CNTNAP2: variants seen among roughly 807,000 people sequenced by gnomAD.
CNTNAP2 encodes contactin associated protein 2.
A neutral mutation model predicts 155.2 loss-of-function variants in CNTNAP2; 98 were observed. The ratio of observed to expected loss-of-function variants is 0.63; its 90% confidence interval spans 0.54 to 0.75. The LOEUF (loss-of-function observed/expected upper bound fraction) is 0.75, where lower values mean the gene tolerates loss of function less well. Among genes scored for constraint, CNTNAP2 ranks in the 30% least tolerant of loss-of-function variants. CNTNAP2 has a pLI of 0.00. For missense variants in CNTNAP2, 1,727 were observed against 1,688.1 expected (o/e 1.02, Z -0.40); for synonymous variants, 651 against 631.2 (o/e 1.03, Z -0.47).
chr7:147,291,502 CTTTTT>C (rs1010057112), intron 8 of CNTNAP2, among the ~76,000 whole-genome samples: 1 of 151,830 alleles, frequency 6.6e-6, no homozygotes, highest in African/African-American at 2.4e-5. Flanking sequence ...ATTCCTTTTT[CTTTTT>C]TATTATTTAG....
At chr7:146,332,340 G>C (rs749492259) in intron 1 of CNTNAP2, among the ~76,000 whole-genome samples, 16 of 151,980 alleles carry the variant, frequency 1.1e-4, no homozygotes, top group Non-Finnish European at 1.3e-4. Context: ...CATTCATACT[G>C]TTTGTTTCTG....
intron 20 of CNTNAP2, among the ~76,000 whole-genome samples, chr7:148,238,242 AG>A (rs1796081158): frequency 6.6e-6 from 1 of 152,246 alleles, no homozygotes; most frequent in African/African-American, 2.4e-5. Context: ...CCAGCTACTC[AG>A]GGGGCTGAGA....
intron 3 of CNTNAP2, among the ~76,000 whole-genome samples, chr7:146,891,168 A>G (rs919157463): frequency 2.0e-5 from 3 of 152,188 alleles, no homozygotes; most frequent in African/African-American, 7.2e-5. Flanking sequence ...ACCATACACT[A>G]TCATTTATAC....
At chr7:146,921,082 A>G (rs937054167) in intron 3 of CNTNAP2, among the ~76,000 whole-genome samples, 16 of 152,178 alleles carry the variant, frequency 1.1e-4, no homozygotes, top group South Asian at 2.1e-4. Flanking sequence ...CTAGAAAAGG[A>G]AAAATTATAA....
intron 13 of CNTNAP2, among the ~76,000 whole-genome samples, chr7:147,857,288 T>C (rs977418788): frequency 6.6e-6 from 1 of 152,240 alleles, no homozygotes; most frequent in Admixed American, 6.5e-5. Flanking sequence ...CCGTGCAAGA[T>C]GTATGTTAAT....
At chr7:147,745,534 A>T (rs2116493970) in intron 13 of CNTNAP2, among the ~76,000 whole-genome samples, 1 of 152,336 alleles carries the variant, frequency 6.6e-6, no homozygotes, top group Admixed American at 6.5e-5. Flanking sequence ...TTTTCTTGAA[A>T]TTCCATAGTG....
chr7:147,191,782 A>C (rs2116525100), intron 8 of CNTNAP2, among the ~76,000 whole-genome samples: 1 of 152,136 alleles, frequency 6.6e-6, no homozygotes, highest in African/African-American at 2.4e-5. Context: ...TTCACGAATT[A>C]AAAAAAATGT....
intron 3 of CNTNAP2, among the ~76,000 whole-genome samples, chr7:147,035,251 C>T (rs149237900): frequency 1.1e-3 from 166 of 152,294 alleles, no homozygotes; most frequent in African/African-American, 3.9e-3. Context: ...TGAGCAGAGA[C>T]TCCAGGGGAA....
intron 13 of CNTNAP2, among the ~76,000 whole-genome samples, chr7:147,766,985 TA>T (rs1448984883): frequency 6.6e-6 from 1 of 152,106 alleles, no homozygotes; most frequent in Non-Finnish European, 1.5e-5. Context: ...TATCTGTTGT[TA>T]AATCATCAAT....
chr7:146,842,226 C>T (rs1016514746), intron 3 of CNTNAP2, among the ~76,000 whole-genome samples: 5 of 151,868 alleles, frequency 3.3e-5, no homozygotes, highest in African/African-American at 7.3e-5. Context: ...ATGGTTGAGT[C>T]GGGGAGACAA....
At chr7:146,681,165 G>T (rs983812549) in intron 1 of CNTNAP2, among the ~76,000 whole-genome samples, 1 of 151,484 alleles carries the variant, frequency 6.6e-6, no homozygotes, top group Non-Finnish European at 1.5e-5. Context: ...AAAAATGATT[G>T]TTTATTGCAG....
chr7:146,135,286 A>G (rs1040179508), intron 1 of CNTNAP2, among the ~76,000 whole-genome samples: 12 of 152,244 alleles, frequency 7.9e-5, no homozygotes, highest in African/African-American at 2.9e-4. Flanking sequence ...ATAATAGTGT[A>G]GTTCTATGAT....
intron 8 of CNTNAP2, among the ~76,000 whole-genome samples, chr7:147,188,969 T>G (rs1802625355): frequency 6.6e-6 from 1 of 152,124 alleles, no homozygotes; most frequent in South Asian, 2.1e-4. Flanking sequence ...TCCAAATAAC[T>G]CCAAAATGAT....
chr7:146,231,308 C>T (rs1015209237), intron 1 of CNTNAP2, among the ~76,000 whole-genome samples: 10 of 152,142 alleles, frequency 6.6e-5, no homozygotes, highest in African/African-American at 2.4e-4. Flanking sequence ...GTACTCTTGG[C>T]CACATCTCCT....
At chr7:146,693,158 A>T (rs1800725802) in intron 1 of CNTNAP2, among the ~76,000 whole-genome samples, 1 of 152,130 alleles carries the variant, frequency 6.6e-6, no homozygotes, top group Non-Finnish European at 1.5e-5. Flanking sequence ...AGTAACAAAG[A>T]TAGCATTGTG....
intron 1 of CNTNAP2, among the ~76,000 whole-genome samples, chr7:146,324,418 G>T (rs559108482): frequency 6.6e-6 from 1 of 152,134 alleles, no homozygotes; most frequent in South Asian, 2.1e-4. Flanking sequence ...CATCATCGGT[G>T]GTAGTTTTGC....
intron 13 of CNTNAP2, among the ~76,000 whole-genome samples, chr7:147,656,459 C>T (rs1795526946): frequency 6.6e-6 from 1 of 152,092 alleles, no homozygotes; most frequent in African/African-American, 2.4e-5. Flanking sequence ...TAGAGGCCAT[C>T]TTATGGTTAT....
chr7:146,306,804 A>G (rs1025704339), intron 1 of CNTNAP2, among the ~76,000 whole-genome samples: 4 of 152,198 alleles, frequency 2.6e-5, no homozygotes, highest in Non-Finnish European at 5.9e-5. Context: ...AAAGCTCTCA[A>G]TAAACTAGGT....
chr7:147,185,840 G>T (rs1243381888), intron 8 of CNTNAP2, among the ~76,000 whole-genome samples: 1 of 152,142 alleles, frequency 6.6e-6, no homozygotes. Flanking sequence ...TTCCTGTGCT[G>T]TTCTCGTGAC....
Sources: allele counts gnomAD v4.1 joint callset (sites outside exome capture counted in the v4.1 genomes callset), GRCh38; gene constraint gnomAD v4.1.1; transcripts MANE v1.5; gene names NCBI Gene and HGNC (gene_info 2026-07-23, HGNC 2026-07-21).